The following ERGIC1 variants were observed in gnomAD, a reference collection of about 807,000 sequenced individuals.
ERGIC1 encodes the protein endoplasmic reticulum-Golgi intermediate compartment protein 1.
A neutral mutation model predicts 38.3 loss-of-function variants in ERGIC1; 19 were observed. That is an observed-to-expected ratio of 0.50 (90% CI 0.35 to 0.73). ERGIC1 has a LOEUF of 0.73. Ranked by LOEUF, ERGIC1 falls within the 30% of genes least tolerant of loss-of-function variation. The pLI, the probability that ERGIC1 is intolerant of heterozygous loss-of-function variation, is 0.01. For missense variants in ERGIC1, 294 were observed against 389.2 expected, an observed-to-expected ratio of 0.76 and a Z score of 2.06; for synonymous variants, 124 against 157.6, an observed-to-expected ratio of 0.79 and a Z score of 1.60.
chr5:172,928,423 T>C (rs1000836168), intron 7 of ERGIC1, among the ~76,000 whole-genome samples: 1 of 152,198 alleles, frequency 6.6e-6, no homozygotes. Flanking sequence ...ATGGGGGTTG[T>C]TTCTTGGCAT....
chr5:172,913,146 C>G (rs1037375136), intron 4 of ERGIC1, among the ~76,000 whole-genome samples: 1 of 152,238 alleles, frequency 6.6e-6, no homozygotes, highest in Admixed American at 6.5e-5. Flanking sequence ...GTAACCTGCT[C>G]GAGGTCTCAG....
At chr5:172,942,750 G>A (rs909136731) in intron 9 of ERGIC1, among the ~76,000 whole-genome samples, 10 of 152,214 alleles carry the variant, frequency 6.6e-5, no homozygotes, top group African/African-American at 9.6e-5. Flanking sequence ...TGGCGCGTGC[G>A]TTCCCAGAGC....
intron 1 of ERGIC1, among the ~76,000 whole-genome samples, chr5:172,864,449 A>T (rs1262392457): frequency 1.3e-5 from 2 of 151,716 alleles, no homozygotes; most frequent in African/African-American, 2.4e-5. Context: ...TTGTATTTTC[A>T]GTAGAGACGG....
At chr5:172,902,085 C>T (rs1762896794) in intron 3 of ERGIC1, among the ~76,000 whole-genome samples, 1 of 152,212 alleles carries the variant, frequency 6.6e-6, no homozygotes, top group South Asian at 2.1e-4. Context: ...CTCAGCACCT[C>T]CCCTCTGTTG....
At chr5:172,915,299 G>A (rs1330451299) in intron 5 of ERGIC1, 3 of 536,990 alleles carry the variant, frequency 5.6e-6, no homozygotes, top group African/African-American at 3.8e-5. Context: ...TGAATGGCAC[G>A]TTCTGTGTTC....
chr5:172,918,368 C>T (rs1378611857), intron 5 of ERGIC1: 5 of 152,182 alleles, frequency 3.3e-5, no homozygotes, highest in Non-Finnish European at 7.3e-5. Context: ...AAGGATCATC[C>T]GTGGCACCAA....
At chr5:172,847,853 A>G (rs1410616806) in intron 1 of ERGIC1, among the ~76,000 whole-genome samples, 1 of 152,226 alleles carries the variant, frequency 6.6e-6, no homozygotes. Flanking sequence ...TGAATTAATC[A>G]GGTTTTGAAC....
At position 172,925,537 on chromosome 5, in the gene ERGIC1, C is replaced by T. The variant is rs1322408716; in HGVS notation, c.481-972C>T. Among the ~76,000 whole-genome samples the T allele has an allele frequency of 6.6e-5, 10 of 152,298 alleles. No individual in the cohort carries two copies. The East Asian group carries it at 1.7e-3, about 27-fold the overall frequency. On this transcript the variant is annotated intron_variant, in intron 6 of 9. Coordinates refer to ENST00000393784, the MANE Select transcript of ERGIC1 (RefSeq NM_001031711.3). ...GAGACCAGGATCAGGGATTATGCCA[C>T]CCCGCTGCTGCCCACTGCTCCTGGA...
intron 1 of ERGIC1, among the ~76,000 whole-genome samples, chr5:172,856,741 C>T (rs1053956984): frequency 2.6e-5 from 4 of 152,196 alleles, no homozygotes; most frequent in Non-Finnish European, 5.9e-5. Flanking sequence ...GGGGAGGGTT[C>T]TCCCTGCTGA....
intron 1 of ERGIC1, among the ~76,000 whole-genome samples, chr5:172,862,905 A>G (rs531406209): frequency 1.8e-4 from 27 of 152,382 alleles, no homozygotes; most frequent in Admixed American, 1.7e-3. Context: ...AAGTCAAAGC[A>G]GTGAGATGAA....
chr5:172,935,471 C>T, intron 9 of ERGIC1, 161 bp downstream of exon 9: 1 of 854,072 alleles, frequency 1.2e-6, no homozygotes. Context: ...CCCAAGGATG[C>T]TGAGAAATGT....
rs1561721908 is a variant in ERGIC1 at position 172,893,920 on chromosome 5, T to TATATATACAC, written c.83-3082_83-3081insATATATACAC. Among the ~76,000 whole-genome samples, 63 of 85,568 alleles carry TATATATACAC rather than the reference T, an allele frequency of 7.4e-4. 1 individual carries two copies. Among genetic ancestry groups the TATATATACAC allele is most frequent in the African/African-American group, 2.8e-3 (62 of 22,478 alleles). 56.1% of individuals were successfully genotyped at this position (85,568 alleles called of 152,430 possible). On this transcript the variant is annotated intron_variant, in intron 2 of 9. Transcript: ENST00000393784. ...ATATATATATATGTGTGTGTGTGTG[T>TATATATACAC]GTGTGTGTGTGTGTGTATATATATA... is the stretch of plus-strand genomic sequence containing the variant.
intron 3 of ERGIC1, among the ~76,000 whole-genome samples, chr5:172,900,351 A>G (rs571316423): frequency 4.6e-5 from 7 of 152,090 alleles, no homozygotes; most frequent in African/African-American, 1.7e-4. Context: ...CCTCTCTCCC[A>G]GCGGCATCCC....
chr5:172,894,201 T>C (rs1314345622), intron 2 of ERGIC1, among the ~76,000 whole-genome samples: 4 of 135,460 alleles, frequency 3.0e-5, no homozygotes, highest in Admixed American at 7.5e-5. Flanking sequence ...TTTTCTTTTT[T>C]TTTTTTTTTT....
chr5:172,883,638 G>T (rs1020407032), intron 1 of ERGIC1, among the ~76,000 whole-genome samples: 11 of 152,158 alleles, frequency 7.2e-5, no homozygotes, highest in African/African-American at 2.7e-4. Context: ...GGAGGCACAG[G>T]GTGCCGATGT....
At chr5:172,950,538 T>C (rs1325061018) in intron 9 of ERGIC1, among the ~76,000 whole-genome samples, 171 bp from the exon 10 acceptor site, 1 of 152,362 alleles carries the variant, frequency 6.6e-6, no homozygotes, top group African/African-American at 2.4e-5. Context: ...CTGGTTTTCT[T>C]TGAGCCCTAA....
intron 3 of ERGIC1, chr5:172,898,386 C>G (rs1179339725): frequency 6.6e-6 from 1 of 152,450 alleles, no homozygotes; most frequent in Non-Finnish European, 1.5e-5. Context: ...TGGCTCCCAG[C>G]CCTGCCTATC....
intron 1 of ERGIC1, among the ~76,000 whole-genome samples, chr5:172,839,427 G>A (rs1171402578): frequency 6.6e-6 from 1 of 151,318 alleles, no homozygotes; most frequent in Non-Finnish European, 1.5e-5. Context: ...GGCCAGGTGT[G>A]GTGATGTGCG....
chr5:172,872,209 G>C (rs1021608750), intron 1 of ERGIC1, among the ~76,000 whole-genome samples: 16 of 151,824 alleles, frequency 1.1e-4, no homozygotes, highest in African/African-American at 3.9e-4. Context: ...CTCCAGCCTC[G>C]TCCCCATGTG....
Sources: allele counts gnomAD v4.1 joint callset (sites outside exome capture counted in the v4.1 genomes callset), GRCh38; gene constraint gnomAD v4.1.1; transcripts MANE v1.5; gene names NCBI Gene and HGNC (gene_info 2026-07-23, HGNC 2026-07-21).